NPC1: variants seen among roughly 807,000 people sequenced by gnomAD.
NPC1 encodes NPC intracellular cholesterol transporter 1.
Under a neutral mutation model 140.4 loss-of-function variants are expected in NPC1, and 85 were observed. That is an observed-to-expected ratio of 0.61 (90% CI 0.51 to 0.72). The LOEUF (loss-of-function observed/expected upper bound fraction) is 0.72. Ranked by LOEUF, NPC1 falls within the 30% of genes least tolerant of loss-of-function variation. The pLI, the probability that NPC1 is intolerant of heterozygous loss-of-function variation, is 0.00. For synonymous variants in NPC1, 656 were observed against 624.8 expected (o/e 1.05, Z -0.74); for missense variants, 1,504 against 1,623.8 (o/e 0.93, Z 1.27).
At chr18:23,540,607 T>C in intron 16 of NPC1, 70 bp from the exon 17 acceptor site, 2 of 1,141,064 alleles carry the variant, frequency 1.8e-6, no homozygotes, top group South Asian at 2.5e-5. Context: ...AATAAAATCT[T>C]AAGCACACAC....
Position 23,554,973 on chromosome 18 carries a change from T to C in NPC1, c.1338A>G (p.Leu446=), listed in dbSNP as rs1156803817. 3 of 1,609,984 alleles carry C rather than the reference T, an allele frequency of 1.9e-6. No homozygotes were observed. Among genetic ancestry groups the C allele is most frequent in the East Asian group, 2.2e-5 (1 of 44,866 alleles). ...CAGTAATGTTTTCGATGGCTATTTG[T>C]AAGTCAAGAACCTGAAAGAAGATTT... ...DIQILHQVLD[L]QIAIENITAS... is the part of the protein sequence containing the mutation. Residue 446 remains leucine (L), a synonymous_variant, in exon 9 of 25, where the codon TTA becomes TTG. Coordinates refer to ENST00000269228, the MANE Select transcript of NPC1 (RefSeq NM_000271.5).
Position 23,586,454 on chromosome 18 carries a change from G to C in NPC1, c.-111C>G. 3 of 1,488,624 alleles carry C rather than the reference G, an allele frequency of 2.0e-6. No homozygotes were observed. The highest frequency in any genetic ancestry group is 2.6e-5 in the East Asian group (1 of 37,748). The allele number at this position is 1,488,624 out of a possible 1,614,324, so 92.2% of individuals were successfully genotyped here. ...AGCACCCCGCGCAGGAGGAGCGGAG[G>C]AGCAGGAGCAGGCGCTGACCGCGGC... On this transcript the variant is annotated 5_prime_UTR_variant, in exon 1 of 25. Transcript: ENST00000269228.
At chr18:23,551,511 G>GT in intron 10 of NPC1, 116 bp downstream of exon 10, 1 of 831,320 alleles carries the variant, frequency 1.2e-6, no homozygotes, top group Non-Finnish European at 2.1e-6. Flanking sequence ...GATTCAAGAG[G>GT]TAAGAAATTA....
intron 24 of NPC1, among the ~76,000 whole-genome samples, chr18:23,532,695 C>CTTTTTTTT (rs61493442): frequency 3.7e-5 from 5 of 136,812 alleles, no homozygotes; most frequent in Non-Finnish European, 7.7e-5. Flanking sequence ...GTGCTCATCT[C>CTTTTTTTT]TTTTTTTTTT....
rs377130051 is a variant in NPC1 at position 23,545,088 on chromosome 18, G to A, written c.1819C>T (p.Arg607Ter). 1.2e-6 allele frequency: 2 copies of A among 1,612,268 alleles called. No homozygotes were observed. Among genetic ancestry groups the A allele is most frequent in the Admixed American group, 1.7e-5 (1 of 59,986 alleles). ...PNLTISFTAERSIEDELNRES... is the reference protein window; with the variant it reads ...PNLTISFTAE Reference sequence around the variant, plus strand: ...CGATTTAGTTCATCTTCAATACTTCGTTCAGCAGTGAAGGAAATGGTCAGA... The same window carrying A: ...CGATTTAGTTCATCTTCAATACTTCATTCAGCAGTGAAGGAAATGGTCAGA... Residue 607 changes from arginine to a stop codon, truncating the protein, a stop_gained, in exon 12 of 25, where the codon CGA becomes TGA. Transcript: ENST00000269228. LOFTEE classifies it high-confidence loss of function.
intron 10 of NPC1, among the ~76,000 whole-genome samples, chr18:23,548,946 T>C (rs1015299272): frequency 6.6e-5 from 10 of 151,880 alleles, no homozygotes; most frequent in Non-Finnish European, 1.0e-4. Context: ...TGCACCACCA[T>C]TGCTGGCTAA....
At chr18:23,538,814 T>C in intron 19 of NPC1, 143 bp from the exon 20 acceptor site, 1 of 859,846 alleles carries the variant, frequency 1.2e-6, no homozygotes, top group Non-Finnish European at 1.9e-6. Flanking sequence ...TCTTTCCCCT[T>C]ATCTAAAAGC....
chr18:23,553,754 C>G (rs1023952291), intron 9 of NPC1, among the ~76,000 whole-genome samples: 13 of 152,192 alleles, frequency 8.5e-5, no homozygotes, highest in African/African-American at 3.1e-4. Flanking sequence ...GATTCCCCTA[C>G]AGGTCACCAA....
At chr18:23,529,669 T>C (rs1438435687), downstream of NPC1, 1 of 1,614,146 alleles carries the variant, frequency 6.2e-7, no homozygotes, top group Non-Finnish European at 8.5e-7. Flanking sequence ...GCCGTGCTGA[T>C]GGAATACATT....
rs1361269265 is a variant in NPC1, at chr18:23,537,070, C to T, written c.3042-194G>A. Among the ~76,000 whole-genome samples the T allele has an allele frequency of 2.0e-5, 3 of 147,144 alleles. No homozygotes were observed. The East Asian group carries it at 6.0e-4, about 29-fold the overall frequency. On this transcript the variant is annotated intron_variant, in intron 20 of 24. Coordinates refer to ENST00000269228, the MANE Select transcript of NPC1 (RefSeq NM_000271.5). Reference sequence around the variant, plus strand: ...AGCTTGTTCTCTCCCAGACTGGCTTCTTTTTTTTTTTATTTTGAGACAGAG... The same window carrying T: ...AGCTTGTTCTCTCCCAGACTGGCTTTTTTTTTTTTTTATTTTGAGACAGAG...
At chr18:23,536,265 A>C (rs1314377029) in intron 21 of NPC1, among the ~76,000 whole-genome samples, 1 of 152,222 alleles carries the variant, frequency 6.6e-6, no homozygotes, top group East Asian at 1.9e-4. Context: ...TGGGAAAAAA[A>C]ACCCCTAACA....
chr18:23,582,769 C>T (rs554080260), intron 1 of NPC1, among the ~76,000 whole-genome samples: 572 of 148,216 alleles, frequency 3.9e-3, no homozygotes, highest in Non-Finnish European at 4.8e-3. Context: ...CGTGCCACTG[C>T]GCTCCAGCCT....
chr18:23,517,259 C>T (rs1788814), intron 3 of NPC1, among the ~76,000 whole-genome samples: 4 of 151,632 alleles, frequency 2.6e-5, no homozygotes, highest in African/African-American at 7.3e-5. Flanking sequence ...AAGCGATTCT[C>T]CTGCCTCAGC....
Position 23,556,303 on chromosome 18 carries a change from T to C in NPC1, c.1266A>G (p.Pro422=), listed in dbSNP as rs1193666842. The C allele has an allele frequency of 1.2e-6, 2 of 1,614,136 alleles. No individual in the cohort carries two copies. Among genetic ancestry groups the C allele is most frequent in the African/African-American group, 1.3e-5 (1 of 75,030 alleles). The stretch of plus-strand genomic sequence containing the variant: ...AGGGTACATCAGCTCCCGAAGGGTA[T>C]GGCTGGTAAATGTGTTTGTCAGTGA... ...APLTDKHIYQ[P]YPSGADVPFG... The change falls in exon 8 of 25, where the codon CCA becomes CCG. Residue 422 remains proline, a synonymous_variant. Transcript: ENST00000269228.
chr18:23,539,257 C>T (rs2058676964), intron 19 of NPC1, 98 bp downstream of exon 19: 1 of 798,784 alleles, frequency 1.3e-6, no homozygotes, highest in Non-Finnish European at 2.2e-6. Flanking sequence ...CTTTGATATA[C>T]AAATAGGTAT....
At position 23,541,423 on chromosome 18, in the gene NPC1, G is replaced by A. The variant is rs199641393; in HGVS notation, c.2256C>T (p.Ser752=). 1.2e-6 allele frequency: 2 copies of A among 1,614,204 alleles called. No homozygotes were observed. Among genetic ancestry groups the A allele is most frequent in the East Asian group, 2.2e-5 (1 of 44,890 alleles). The change falls in exon 15 of 25, where the codon TCC becomes TCT. Residue 752 remains serine, a synonymous_variant. Coordinates refer to ENST00000269228, the MANE Select transcript of NPC1 (RefSeq NM_000271.5). ...ETVAFFLGAL[S]VMPAVHTFSL... ...AGAAGGTGTGCACGGCTGGCATCAC[G>A]GACAATGCTCCTGTCGGGGAGAGAA...
chr18:23,540,956 A>G, intron 16 of NPC1, 112 bp downstream of exon 16: 3 of 1,254,292 alleles, frequency 2.4e-6, no homozygotes, highest in African/African-American at 1.5e-5. Flanking sequence ...TTTTTTTTAG[A>G]TACATTTTAA....
chr18:23,535,612 C>A lies in NPC1; in HGVS notation c.3334G>T (p.Val1112Leu). 1 of 1,614,128 alleles carries A rather than the reference C, an allele frequency of 6.2e-7. No individual in the cohort carries two copies. The highest frequency in any genetic ancestry group is 8.5e-7 in the Non-Finnish European group (1 of 1,180,010). The change falls in exon 22 of 25, where the codon GTG (valine) becomes TTG (leucine). Residue 1112 changes from valine (V) to leucine (L), a missense_variant. By Grantham distance (32) the Val-to-Leu change is conservative. Coordinates refer to ENST00000269228, the MANE Select transcript of NPC1 (RefSeq NM_000271.5). ...LGVSLGAIFL[V>L]TMVLLGCELW... ...TCACAGCCCAGGAGGACCATGGTCA[C>A]CAGAAATATCGCGCCCAGGGACACA...
At chr18:23,532,401 A>G (rs1181130884) in intron 24 of NPC1, 117 bp from the exon 25 acceptor site, 2 of 1,108,102 alleles carry the variant, frequency 1.8e-6, no homozygotes, top group Non-Finnish European at 2.7e-6. Flanking sequence ...GAATTGCTTG[A>G]GACCAGCCTG....
Sources: allele counts gnomAD v4.1 joint callset (sites outside exome capture counted in the v4.1 genomes callset), GRCh38; gene constraint gnomAD v4.1.1; transcripts MANE v1.5; gene names NCBI Gene and HGNC (gene_info 2026-07-23, HGNC 2026-07-21).